The following PCDHA4 variants were observed in gnomAD, a reference collection of about 807,000 sequenced individuals.
PCDHA4 encodes protocadherin alpha 4.
In PCDHA4, 49 loss-of-function variants were observed where a neutral mutation model predicts 61.4. The ratio of observed to expected loss-of-function variants is 0.80; its 90% CI spans 0.63 to 1.01. The LOEUF (loss-of-function observed/expected upper bound fraction) is 1.01. Among genes scored for constraint, PCDHA4 ranks in the 50% least tolerant of loss-of-function variants. The probability of loss-of-function intolerance (pLI) is 0.00; values close to 1 mark genes in which losing one functional copy is unlikely to be tolerated. For missense variants in PCDHA4, 1,254 were observed against 1,235.8 expected, an observed-to-expected ratio of 1.01 and a Z score of -0.22; for synonymous variants, 590 against 550.3, an observed-to-expected ratio of 1.07 and a Z score of -1.01.
rs782017107 is a variant in PCDHA4 at position 140,968,690 on chromosome 5, A to G, written c.2386-10259A>G. ...TAAGGTAGAGCTGCACACAGGAGAAATTAGGACTACCAGGAAGATGGGAGA... is the reference window on the plus strand; with the variant it reads ...TAAGGTAGAGCTGCACACAGGAGAAGTTAGGACTACCAGGAAGATGGGAGA... On this transcript the variant is annotated intron_variant, in intron 1 of 3. Transcript: ENST00000530339. 60 of 1,614,030 alleles carry G rather than the reference A, an allele frequency of 3.7e-5. No individual in the cohort carries two copies. The highest frequency in any genetic ancestry group is 4.8e-5 in the Non-Finnish European group (57 of 1,180,040).
At chr5:140,823,139 C>A (rs1317356250) in intron 1 of PCDHA4, 1 of 1,613,696 alleles carries the variant, frequency 6.2e-7, no homozygotes, top group African/African-American at 1.3e-5. Flanking sequence ...CCGGCGTTCG[C>A]GCAGCCCCAG....
At position 140,882,980 on chromosome 5, in the gene PCDHA4, A is replaced by T. The variant is rs782593392; in HGVS notation, c.2385+73408A>T. On this transcript the variant is annotated intron_variant, in intron 1 of 3. Coordinates refer to ENST00000530339, the MANE Select transcript of PCDHA4 (RefSeq NM_018907.4). ...CATCACGATTCTGGACGTGAATGAC[A>T]ACGCCCCGGAATTTTACCAATCCGT... 34 of 1,614,072 alleles carry T rather than the reference A, an allele frequency of 2.1e-5. No homozygotes were observed. Among genetic ancestry groups the T allele is most frequent in the African/African-American group, 2.7e-5 (2 of 74,926 alleles).
rs2098419434 is a variant in PCDHA4, at chr5:141,011,100, CT to C, written c.*1164del. ...AAATGATCTCTCTTTCTCTCTCTCT[CT>C]CTCTTTTCTAAGAAACAATTATGTG... On this transcript the variant is annotated 3_prime_UTR_variant, in exon 4 of 4. Coordinates refer to ENST00000530339, the MANE Select transcript of PCDHA4 (RefSeq NM_018907.4). The C allele has an allele frequency of 1.3e-5, 2 of 153,772 alleles. No individual in the cohort carries two copies. Among genetic ancestry groups the C allele is most frequent in the Admixed American group, 6.5e-5 (1 of 15,290 alleles). The allele number at this position is 153,772 out of a possible 1,614,324, so 9.5% of individuals were successfully genotyped here.
chr5:140,830,635 C>A, intron 1 of PCDHA4: 1 of 507,538 alleles, frequency 2.0e-6, no homozygotes, highest in Non-Finnish European at 3.1e-6. Flanking sequence ...ATTTTAATCT[C>A]TTTGCTTCTT....
At chr5:140,868,908 CTTGGTG>C in intron 1 of PCDHA4, 1 of 882,188 alleles carries the variant, frequency 1.1e-6, no homozygotes, top group Non-Finnish European at 1.7e-6. Flanking sequence ...TCGCTCTTTA[CTTGGTG>C]GAAAGTTCAT....
Position 140,842,238 on chromosome 5 carries a change from G to A in PCDHA4, c.2385+32666G>A, listed in dbSNP as rs1554138909. ...AATACGGGAGAAATAGTGATTCGGG[G>A]TAATTTGGATTTTGAACAAGAAAAC... On this transcript the variant is annotated intron_variant, in intron 1 of 3. Coordinates refer to ENST00000530339, the MANE Select transcript of PCDHA4 (RefSeq NM_018907.4). 6.2e-6 allele frequency: 10 copies of A among 1,612,562 alleles called. No homozygotes were observed. Among genetic ancestry groups the A allele is most frequent in the South Asian group, 2.2e-5 (2 of 91,028 alleles).
intron 1 of PCDHA4, among the ~76,000 whole-genome samples, chr5:140,942,781 A>G (rs1554215214): frequency 6.6e-6 from 1 of 152,214 alleles, no homozygotes; most frequent in Admixed American, 6.5e-5. Context: ...TTTAGGCAGA[A>G]TATTACAAAG....
chr5:140,878,145 A>G (rs1331184448), intron 1 of PCDHA4: 4 of 183,786 alleles, frequency 2.2e-5, no homozygotes, highest in African/African-American at 9.5e-5. Flanking sequence ...CAGATGTTTG[A>G]TAACTTAAAA....
rs2150277995 is a variant in PCDHA4, at chr5:140,837,636, T to C, written c.2385+28064T>C. On this transcript the variant is annotated intron_variant, in intron 1 of 3. Coordinates refer to ENST00000530339, the MANE Select transcript of PCDHA4 (RefSeq NM_018907.4). ...TTGCCCCTTCCTTCCTTCCTTCCTTTCTTTCTTTCTTTCTTCCTTTTTCTT... is the reference window on the plus strand; with the variant it reads ...TTGCCCCTTCCTTCCTTCCTTCCTTCCTTTCTTTCTTTCTTCCTTTTTCTT... Among the ~76,000 whole-genome samples the C allele has an allele frequency of 1.4e-3, 182 of 134,336 alleles. 3 individuals are homozygous for C. Among genetic ancestry groups the C allele is most frequent in the African/African-American group, 3.6e-3 (92 of 25,542 alleles). The allele number at this position is 134,336 out of a possible 152,430, so 88.1% of individuals were successfully genotyped here.
chr5:140,830,152 G>C (rs2150182031), intron 1 of PCDHA4: 3 of 1,613,316 alleles, frequency 1.9e-6, no homozygotes, highest in East Asian at 4.5e-5. Flanking sequence ...TGGGCGCCGC[G>C]GGCCCAGAGG....
chr5:140,819,435 T>A (rs2150104218), intron 1 of PCDHA4, among the ~76,000 whole-genome samples: 1 of 152,270 alleles, frequency 6.6e-6, no homozygotes, highest in South Asian at 2.1e-4. Context: ...CAGTTTTAAA[T>A]CTAAATTTTT....
chr5:140,992,127 T>G (rs1237289084), intron 3 of PCDHA4, among the ~76,000 whole-genome samples: 1 of 151,584 alleles, frequency 6.6e-6, no homozygotes, highest in Non-Finnish European at 1.5e-5. Flanking sequence ...GGAAGAACAG[T>G]GACTGATGAT....
intron 1 of PCDHA4, among the ~76,000 whole-genome samples, chr5:140,930,720 A>T (rs574022781): frequency 5.3e-5 from 8 of 152,226 alleles, no homozygotes; most frequent in Non-Finnish European, 8.8e-5. Flanking sequence ...TCAAGTAATG[A>T]TGTTAACTGC....
intron 1 of PCDHA4, among the ~76,000 whole-genome samples, chr5:140,943,364 C>T (rs1463652865): frequency 6.6e-6 from 1 of 150,620 alleles, no homozygotes; most frequent in Non-Finnish European, 1.5e-5. Context: ...GAAAGGAGAT[C>T]ATTAAAATAT....
intron 1 of PCDHA4, among the ~76,000 whole-genome samples, chr5:140,909,417 G>A (rs1016868783): frequency 2.0e-5 from 3 of 152,156 alleles, no homozygotes; most frequent in Non-Finnish European, 1.5e-5. Flanking sequence ...TTACCATTTG[G>A]TTAAACTTAT....
rs782209352 is a variant in PCDHA4, at chr5:140,809,250, G to A, written c.2063G>A (p.Gly688Asp). The change falls in exon 1 of 4, where the codon GGT (glycine) becomes GAT (aspartate). Residue 688 changes from glycine to aspartate, a missense_variant. Physicochemically the swap from Gly to Asp is moderately conservative, Grantham distance 94. Transcript: ENST00000530339. The stretch of plus-strand genomic sequence containing the variant: ...TCACGGGCGTTGGTGGGCGCTGTGG[G>A]TCCCGATGCTGCGCTGGTGGATGTC... ...ASSRALVGAV[G>D]PDAALVDVNV... 3.7e-6 allele frequency: 6 copies of A among 1,614,080 alleles called. No individual in the cohort carries two copies. Among genetic ancestry groups the A allele is most frequent in the Non-Finnish European group, 4.2e-6 (5 of 1,179,954 alleles).
At chr5:140,883,126 G>T (rs781992873) in intron 1 of PCDHA4, 1 of 1,614,036 alleles carries the variant, frequency 6.2e-7, no homozygotes, top group Non-Finnish European at 8.5e-7. Context: ...GGCCTGTATG[G>T]CCTGCAGTGG....
chr5:140,829,709 G>T (rs1362946626), intron 1 of PCDHA4: 3 of 1,613,434 alleles, frequency 1.9e-6, no homozygotes, highest in Non-Finnish European at 1.7e-6. Context: ...CGCGCGCGAC[G>T]CGGGCGTGCC....
Position 140,842,658 on chromosome 5 carries a change from C to T in PCDHA4, c.2385+33086C>T. ...ACCGCCAGCTTGTCTGTGGAGGTGG[C>T]CGACGTGAACGACAATGCTCCGGCG... is the stretch of plus-strand genomic sequence containing the variant. On this transcript the variant is annotated intron_variant, in intron 1 of 3. Coordinates refer to ENST00000530339, the MANE Select transcript of PCDHA4 (RefSeq NM_018907.4). 1.9e-6 allele frequency: 3 copies of T among 1,595,322 alleles called. 1 individual carries two copies. The highest frequency in any genetic ancestry group is 8.6e-7 in the Non-Finnish European group (1 of 1,165,500).
Sources: gnomAD v4.1 joint callset for allele counts (sites outside exome capture counted in the v4.1 genomes callset) on GRCh38, gnomAD v4.1.1 for gene constraint, MANE v1.5 for transcripts, NCBI Gene and HGNC (gene_info 2026-07-23, HGNC 2026-07-21) for gene names.